Variants in FGFR2 observed in about 807,000 individuals in gnomAD.
The protein encoded by FGFR2 is BEK fibroblast growth factor receptor.
Under a neutral mutation model 95.9 loss-of-function variants are expected in FGFR2, and 19 were observed. That is an observed-to-expected ratio of 0.20 (90% CI 0.14 to 0.29). The LOEUF (loss-of-function observed/expected upper bound fraction) is 0.29. Among genes scored for constraint, FGFR2 ranks in the 10% least tolerant of loss-of-function variants. FGFR2 has a pLI of 1.00. For synonymous variants in FGFR2, 392 were observed against 393.3 expected, an observed-to-expected ratio of 1.00 and a Z score of 0.04; for missense variants, 707 against 1,056.9, an observed-to-expected ratio of 0.67 and a Z score of 4.59.
At chr10:121,494,564 C>A (rs1846529460) in intron 13 of FGFR2, among the ~76,000 whole-genome samples, 1 of 152,106 alleles carries the variant, frequency 6.6e-6, no homozygotes, top group South Asian at 2.1e-4. Flanking sequence ...AGATGGGCTA[C>A]CCTCCCCAGG....
chr10:121,506,514 G>C (rs960553651), intron 9 of FGFR2, among the ~76,000 whole-genome samples: 8 of 152,172 alleles, frequency 5.3e-5, no homozygotes, highest in African/African-American at 1.9e-4. Flanking sequence ...GGGGTGCATA[G>C]GAAGCTGCAA....
chr10:121,512,781 G>C (rs1418154834), intron 9 of FGFR2, among the ~76,000 whole-genome samples: 2 of 152,094 alleles, frequency 1.3e-5, no homozygotes, highest in African/African-American at 4.8e-5. Context: ...AATAAATAAA[G>C]GAAGGAGGGA....
At chr10:121,487,929 T>C in intron 14 of FGFR2, 62 bp downstream of exon 14, 3 of 1,610,724 alleles carry the variant, frequency 1.9e-6, no homozygotes, top group South Asian at 2.2e-5. Flanking sequence ...ACGGCCTTTC[T>C]TCCTGGAACA....
At chr10:121,487,660 T>C (rs1845595017) in intron 14 of FGFR2, among the ~76,000 whole-genome samples, 1 of 152,214 alleles carries the variant, frequency 6.6e-6, no homozygotes, top group African/African-American at 2.4e-5. Context: ...AGCACACAGA[T>C]GCTCCTTGAC....
intron 9 of FGFR2, among the ~76,000 whole-genome samples, chr10:121,514,077 T>C (rs1849384071): frequency 6.6e-6 from 1 of 152,176 alleles, no homozygotes; most frequent in South Asian, 2.1e-4. Flanking sequence ...TTCCTGGCCC[T>C]ATCCAAGATG....
chr10:121,576,168 CAA>C (rs1206042895), intron 2 of FGFR2, among the ~76,000 whole-genome samples: 1 of 152,174 alleles, frequency 6.6e-6, no homozygotes, highest in Non-Finnish European at 1.5e-5. Flanking sequence ...ACCTGGGCAA[CAA>C]GAGCGAAACT....
At chr10:121,532,939 G>C (rs1054022490) in intron 6 of FGFR2, among the ~76,000 whole-genome samples, 1 of 152,204 alleles carries the variant, frequency 6.6e-6, no homozygotes, top group Non-Finnish European at 1.5e-5. Flanking sequence ...GTGCCATGCT[G>C]ATCTGCCGCC....
intron 8 of FGFR2, among the ~76,000 whole-genome samples, chr10:121,516,077 T>C (rs1422894761): frequency 6.6e-6 from 1 of 152,184 alleles, no homozygotes; most frequent in Non-Finnish European, 1.5e-5. Context: ...AGTATACATA[T>C]AATTACTTAA....
chr10:121,543,182 G>A (rs982848026), intron 5 of FGFR2, among the ~76,000 whole-genome samples: 6 of 152,140 alleles, frequency 3.9e-5, no homozygotes, highest in African/African-American at 1.2e-4. Context: ...CCCATGAACA[G>A]ATCAGTTCAT....
At position 121,538,712 on chromosome 10, in the gene FGFR2, G is replaced by C. The variant is rs1302963489; in HGVS notation, c.628C>G (p.Arg210Gly). The C allele has an allele frequency of 6.2e-7, 1 of 1,614,128 alleles. No homozygotes were observed. Among genetic ancestry groups the C allele is most frequent in the Non-Finnish European group, 8.5e-7 (1 of 1,180,016 alleles). The change falls in exon 6 of 18, where the codon CGA becomes GGA. Residue 210 changes from arginine to glycine, a missense_variant. Arg to Gly is a moderately radical substitution (Grantham distance 125). This residue lies in a region of FGFR2 where 139 missense variants were observed against 278.1 expected (regional missense o/e 0.50). Transcript: ENST00000358487. ...QEHRIGGYKV[R>G]NQHWSLIMES... ...ATAATGAGGCTCCAGTGCTGGTTTCGTACCTGAAAAGATCAAAGCAAAGGC... is the reference window on the plus strand; with the variant it reads ...ATAATGAGGCTCCAGTGCTGGTTTCCTACCTGAAAAGATCAAAGCAAAGGC...
At chr10:121,496,201 A>G (rs1846782852) in intron 13 of FGFR2, among the ~76,000 whole-genome samples, 1 of 152,108 alleles carries the variant, frequency 6.6e-6, no homozygotes, top group Non-Finnish European at 1.5e-5. Context: ...AAAAAAAGAA[A>G]GAAAGAAAAT....
intron 6 of FGFR2, among the ~76,000 whole-genome samples, chr10:121,524,190 C>T (rs2912767): frequency 1.3e-5 from 2 of 151,078 alleles, no homozygotes; most frequent in Admixed American, 6.6e-5. Flanking sequence ...TTGCAAATTA[C>T]AGCATACCAA....
intron 6 of FGFR2, among the ~76,000 whole-genome samples, chr10:121,523,384 T>A (rs959925949): frequency 6.6e-6 from 1 of 152,180 alleles, no homozygotes. Context: ...GCCTAGCAGC[T>A]GGCTGGACAC....
intron 5 of FGFR2, among the ~76,000 whole-genome samples, chr10:121,548,482 A>G (rs189325824): frequency 6.6e-6 from 1 of 152,134 alleles, no homozygotes; most frequent in Admixed American, 6.5e-5. Flanking sequence ...GTTGGAATCA[A>G]TAATTAACAC....
At chr10:121,593,325 T>A (rs1383262812) in intron 2 of FGFR2, among the ~76,000 whole-genome samples, 1 of 152,232 alleles carries the variant, frequency 6.6e-6, no homozygotes, top group Non-Finnish European at 1.5e-5. Context: ...TGGTTCATCT[T>A]GTCCGAAAAT....
intron 5 of FGFR2, among the ~76,000 whole-genome samples, chr10:121,539,106 T>C (rs1273324600): frequency 2.0e-5 from 3 of 152,238 alleles, no homozygotes; most frequent in Non-Finnish European, 4.4e-5. Flanking sequence ...TCAGCCTCTA[T>C]GGCATCACAG....
intron 5 of FGFR2, among the ~76,000 whole-genome samples, chr10:121,543,099 G>A (rs369725873): frequency 1.9e-4 from 29 of 152,238 alleles, no homozygotes; most frequent in East Asian, 9.7e-4. Flanking sequence ...CCTTTCTCCC[G>A]CCAGTATCAG....
chr10:121,496,662 G>C lies in FGFR2; in HGVS notation c.1733C>G (p.Ala578Gly), dbSNP rs1345199187. 6.2e-7 allele frequency: 1 copy of C among 1,612,196 alleles called. No homozygotes were observed. Among genetic ancestry groups the C allele is most frequent in the Non-Finnish European group, 8.5e-7 (1 of 1,179,894 alleles). ...GTACTCCATCCCGGGTGGCCTCCGG[G>C]CTCGGAGGTATTCTCGGAGGTTGCC... ...SKGNLREYLR[A>G]RRPPGMEYSY... is the part of the protein sequence containing the mutation. Residue 578 changes from alanine to glycine, a missense_variant, in exon 13 of 18, where the codon GCC becomes GGC. By Grantham distance (60) the Ala-to-Gly change is moderately conservative. Around this residue, in one of 7 missense-constraint regions of FGFR2, gnomAD observed 4 missense variants for 18.9 expected, o/e 0.21. Coordinates refer to ENST00000358487, the MANE Select transcript of FGFR2 (RefSeq NM_000141.5).
At chr10:121,508,045 G>C (rs1344045517) in intron 9 of FGFR2, among the ~76,000 whole-genome samples, 2 of 152,214 alleles carry the variant, frequency 1.3e-5, no homozygotes, top group East Asian at 1.9e-4. Context: ...AAATGACTAA[G>C]TATATGAGAG....
Sources: gnomAD v4.1 joint callset for allele counts (sites outside exome capture counted in the v4.1 genomes callset) on GRCh38, gnomAD v4.1.1 for gene constraint, gnomAD v4.1.1 regional missense constraint, MANE v1.5 for transcripts, NCBI Gene and HGNC (gene_info 2026-07-23, HGNC 2026-07-21) for gene names.